Variants in DDX10 observed in about 807,000 individuals in gnomAD.
DDX10 encodes DEAD-box helicase 10.
In DDX10, 74 loss-of-function variants were observed where a neutral mutation model predicts 104.3. That is an observed-to-expected ratio of 0.71 (90% CI 0.59 to 0.86). The LOEUF is 0.86. DDX10 is among the 40% of genes least tolerant of loss of function. The pLI, the probability that DDX10 is intolerant of heterozygous loss-of-function variation, is 0.00. For synonymous variants in DDX10, 351 were observed against 353.4 expected, an observed-to-expected ratio of 0.99 and a Z score of 0.08; for missense variants, 952 against 1,040.0, an observed-to-expected ratio of 0.92 and a Z score of 1.16.
chr11:108,845,162 C>T (rs894977840), intron 15 of DDX10, among the ~76,000 whole-genome samples: 1 of 152,116 alleles, frequency 6.6e-6, no homozygotes, highest in Non-Finnish European at 1.5e-5. Context: ...GAGCCGAGAT[C>T]GCGCCACTGT....
intron 10 of DDX10, among the ~76,000 whole-genome samples, chr11:108,714,294 C>G (rs1030777445): frequency 1.2e-4 from 18 of 152,174 alleles, no homozygotes; most frequent in Non-Finnish European, 2.2e-4. Flanking sequence ...CAGGCACTGC[C>G]TCCCCCAGTT....
At chr11:108,812,104 T>C (rs983192405) in intron 13 of DDX10, among the ~76,000 whole-genome samples, 3 of 152,224 alleles carry the variant, frequency 2.0e-5, no homozygotes, top group African/African-American at 4.8e-5. Flanking sequence ...ACTTTGCTTT[T>C]GATAGCCTGC....
At chr11:108,803,079 A>C (rs1862046081) in intron 13 of DDX10, among the ~76,000 whole-genome samples, 1 of 152,224 alleles carries the variant, frequency 6.6e-6, no homozygotes, top group Admixed American at 6.5e-5. Context: ...TGTCTCCAGC[A>C]GCTTTTGTTT....
intron 16 of DDX10, among the ~76,000 whole-genome samples, chr11:108,854,484 C>T (rs1334766493): frequency 6.6e-6 from 1 of 152,174 alleles, no homozygotes; most frequent in Non-Finnish European, 1.5e-5. Context: ...GGTAGAGCTT[C>T]CCTTTGATCC....
chr11:108,738,574 A>G (rs1371167807), intron 13 of DDX10, among the ~76,000 whole-genome samples: 1 of 152,118 alleles, frequency 6.6e-6, no homozygotes, highest in Non-Finnish European at 1.5e-5. Flanking sequence ...CAGCTTAGCT[A>G]ACCAGACTTA....
In DDX10 at chr11:108,677,076, CTT is replaced by C. The variant is rs748283161; in HGVS notation, c.379-5_379-4del. On this transcript the variant is annotated splice_polypyrimidine_tract_variant and splice_region_variant and intron_variant, in intron 3 of 17. Transcript: ENST00000322536. ...GACTTACTGAACATGAATTTGCTGTCTTTTTGAGGTGCTGGAAGCCTTATATC... is the reference window on the plus strand; with the variant it reads ...GACTTACTGAACATGAATTTGCTGTCTTTGAGGTGCTGGAAGCCTTATATC... The C allele has an allele frequency of 2.8e-5, 45 of 1,596,202 alleles. No homozygotes were observed. Among genetic ancestry groups the C allele is most frequent in the Middle Eastern group, 1.9e-4 (1 of 5,364 alleles).
chr11:108,743,828 G>T (rs987260464), intron 13 of DDX10, among the ~76,000 whole-genome samples: 1 of 152,066 alleles, frequency 6.6e-6, no homozygotes, highest in East Asian at 1.9e-4. Flanking sequence ...CAGTGCCAGC[G>T]CAAGTGCTCC....
At chr11:108,761,331 G>A (rs899243045) in intron 13 of DDX10, among the ~76,000 whole-genome samples, 4 of 152,078 alleles carry the variant, frequency 2.6e-5, no homozygotes, top group Admixed American at 2.6e-4. Context: ...TCCTTTTGGA[G>A]AACAGTAGTA....
At chr11:108,925,769 T>A (rs1317239693) in intron 17 of DDX10, among the ~76,000 whole-genome samples, 4 of 152,346 alleles carry the variant, frequency 2.6e-5, no homozygotes, top group Non-Finnish European at 4.4e-5. Context: ...AAGTAATTTT[T>A]AAAAATTGTT....
chr11:108,679,006 GCAC>G (rs1263142107), intron 5 of DDX10, among the ~76,000 whole-genome samples: 1 of 150,416 alleles, frequency 6.6e-6, no homozygotes, highest in Non-Finnish European at 1.5e-5. Context: ...CTACAGGTGT[GCAC>G]CACCACGCCC....
chr11:108,889,597 TAATA>T (rs1467812151), intron 16 of DDX10, among the ~76,000 whole-genome samples: 1 of 152,152 alleles, frequency 6.6e-6, no homozygotes, highest in African/African-American at 2.4e-5. Flanking sequence ...CGGATGACCA[TAATA>T]AATGTCAAAT....
chr11:108,857,795 A>T (rs1862890738), intron 16 of DDX10, among the ~76,000 whole-genome samples: 1 of 152,236 alleles, frequency 6.6e-6, no homozygotes, highest in Admixed American at 6.5e-5. Context: ...ATTAGGCCAT[A>T]GGTCATTTCC....
At chr11:108,857,644 A>C (rs1014680610) in intron 16 of DDX10, among the ~76,000 whole-genome samples, 4 of 152,190 alleles carry the variant, frequency 2.6e-5, no homozygotes, top group African/African-American at 7.2e-5. Context: ...GAGGTCACTC[A>C]TATTATGATT....
At chr11:108,705,398 A>G (rs925685175) in intron 9 of DDX10, among the ~76,000 whole-genome samples, 6 of 152,152 alleles carry the variant, frequency 3.9e-5, no homozygotes, top group Admixed American at 1.3e-4. Context: ...ATTTCATTTC[A>G]TATTCTATGA....
intron 2 of DDX10, among the ~76,000 whole-genome samples, chr11:108,674,640 A>G (rs1386639011): frequency 6.6e-6 from 1 of 151,846 alleles, no homozygotes; most frequent in African/African-American, 2.4e-5. Flanking sequence ...CCTCCTGAGT[A>G]GTTGGAACTG....
At chr11:108,821,086 C>T (rs1591827166) in intron 13 of DDX10, among the ~76,000 whole-genome samples, 2 of 152,102 alleles carry the variant, frequency 1.3e-5, no homozygotes. Context: ...AAAGCTCATT[C>T]CCTCAGGGAG....
chr11:108,872,682 G>A (rs1488848711), intron 16 of DDX10, among the ~76,000 whole-genome samples: 2 of 152,162 alleles, frequency 1.3e-5, no homozygotes, highest in African/African-American at 2.4e-5. Context: ...AGAAGAGTTT[G>A]TAAGTGAATT....
At position 108,665,231 on chromosome 11, in the gene DDX10, ACAC is replaced by A. The variant is rs1467835401; in HGVS notation, c.79_81del (p.His27del). 6.2e-7 allele frequency: 1 copy of A among 1,613,264 alleles called. No individual in the cohort carries two copies. The highest frequency in any genetic ancestry group is 8.5e-7 in the Non-Finnish European group (1 of 1,179,768). ...GGAGCTTCAATCGCTGGAAGAAAAA[ACAC>A]AGCCATAGGCAGAACAAAAAGAAGC... is the stretch of plus-strand genomic sequence containing the variant. On this transcript the variant is annotated inframe_deletion, in exon 1 of 18. Transcript: ENST00000322536.
chr11:108,729,938 T>A (rs937260542), intron 13 of DDX10: 5 of 153,404 alleles, frequency 3.3e-5, no homozygotes, highest in Admixed American at 2.0e-4. Context: ...TCTGGAAACA[T>A]TCTTCTAAAG....
Sources: allele counts gnomAD v4.1 joint callset (sites outside exome capture counted in the v4.1 genomes callset), GRCh38; gene constraint gnomAD v4.1.1; transcripts MANE v1.5; gene names NCBI Gene and HGNC (gene_info 2026-07-23, HGNC 2026-07-21).